The following COA8 variants were observed in gnomAD, a reference collection of about 807,000 sequenced individuals.
COA8 encodes UPF0671 protein C14orf153.
In COA8, 20 loss-of-function variants were observed where a neutral mutation model predicts 22.0. The ratio of observed to expected loss-of-function variants is 0.91; its 90% CI spans 0.64 to 1.32. COA8 has a LOEUF of 1.32. Among genes scored for constraint, COA8 ranks in the 40% most tolerant of loss-of-function variants. The pLI, the probability that COA8 is intolerant of heterozygous loss-of-function variation, is 0.00. For missense variants in COA8, 266 were observed against 230.0 expected, an observed-to-expected ratio of 1.16 and a Z score of -1.01; for synonymous variants, 105 against 79.9, an observed-to-expected ratio of 1.31 and a Z score of -1.68.
In COA8 at chr14:103,581,640, G is replaced by T. The variant is rs982793634; in HGVS notation, c.386-5634G>T. The T allele has an allele frequency of 2.5e-6, 1 of 398,560 alleles. No individual in the cohort carries two copies. Among genetic ancestry groups the T allele is most frequent in the South Asian group, 1.3e-4 (1 of 7,866 alleles). The allele number at this position is 398,560 out of a possible 1,614,324, so 24.7% of individuals were successfully genotyped here. ...GGATGGAGGGGACAGCTGTGCTGCC[G>T]CCATCTCCCTTACACAGTTGAGTAA... is the stretch of plus-strand genomic sequence containing the variant. On this transcript the variant is annotated intron_variant, in intron 3 of 4. Transcript: ENST00000409074. This position sits in a 1 kb window ranked among gnomAD's most constrained non-coding sequence, Gnocchi z 4.1.
chr14:103,585,098 A>G (rs1239919455), intron 3 of COA8, among the ~76,000 whole-genome samples: 1 of 152,006 alleles, frequency 6.6e-6, no homozygotes, highest in Non-Finnish European at 1.5e-5. Flanking sequence ...AGATTGCGCC[A>G]CTGCACTCCA....
chr14:103,570,361 C>A (rs1195835321), intron 1 of COA8, among the ~76,000 whole-genome samples: 3 of 152,162 alleles, frequency 2.0e-5, no homozygotes, highest in Admixed American at 1.3e-4. Context: ...AGGGTCCCCC[C>A]ACTATAACTC....
intron 3 of COA8, among the ~76,000 whole-genome samples, chr14:103,576,036 G>A (rs555919461): frequency 1.0e-3 from 153 of 152,022 alleles, no homozygotes; most frequent in African/African-American, 3.3e-3. Context: ...GGCCGGGCGC[G>A]GTGGTTCACG....
rs200407081 is a variant in COA8, at chr14:103,563,105, G to A, written c.104G>A (p.Arg35Lys). 666 of 1,540,070 alleles carry A rather than the reference G, an allele frequency of 4.3e-4. 11 individuals carry two copies. In the East Asian group the frequency reaches 0.012, roughly 28 times the overall value. ...QLAPERGAER[R>K]DTAPSGVSRF... ...GCTCCGGAGCGCGGCGCCGAGCGCA[G>A]GGATACGGCGCCCAGCGGGGTAAGC... The change falls in exon 1 of 5, where the codon AGG (arginine) becomes AAG (lysine). Residue 35 changes from arginine to lysine, a missense_variant. Arg to Lys is a conservative substitution (Grantham distance 26, BLOSUM62 2). Transcript: ENST00000409074.
At position 103,590,869 on chromosome 14, in the gene COA8, ATAAT is replaced by A. The variant is rs1355981140; in HGVS notation, c.*588_*591del. 1.3e-5 allele frequency: 2 copies of A among 152,146 alleles called. No homozygotes were observed. Among genetic ancestry groups the A allele is most frequent in the African/African-American group, 4.8e-5 (2 of 41,438 alleles). 9.4% of individuals were successfully genotyped at this position (152,146 alleles called of 1,614,324 possible). On this transcript the variant is annotated 3_prime_UTR_variant, in exon 5 of 5. Transcript: ENST00000409074. The stretch of plus-strand genomic sequence containing the variant: ...CGAGACTCTGTATCAAAAAATAATA[ATAAT>A]TAATAAAGTTTTACTGGAAAAAAGA...
chr14:103,572,016 A>G (rs1042018641), intron 2 of COA8, among the ~76,000 whole-genome samples, 196 bp downstream of exon 2: 4 of 151,798 alleles, frequency 2.6e-5, no homozygotes, highest in Admixed American at 1.3e-4. Context: ...AGTTCCAGCT[A>G]CTCGGGAGGC....
At chr14:103,567,076 T>A (rs2076140585) in intron 1 of COA8, among the ~76,000 whole-genome samples, 1 of 152,130 alleles carries the variant, frequency 6.6e-6, no homozygotes, top group Non-Finnish European at 1.5e-5. Context: ...CCTGGCTGAT[T>A]TTTAAAATTT....
At chr14:103,569,367 A>C (rs2076163211) in intron 1 of COA8, among the ~76,000 whole-genome samples, 2 of 152,258 alleles carry the variant, frequency 1.3e-5, no homozygotes, top group Non-Finnish European at 2.9e-5. Context: ...AATGATTTGA[A>C]AATATCGGTA....
chr14:103,588,154 G>T, intron 4 of COA8: 1 of 341,626 alleles, frequency 2.9e-6, no homozygotes, highest in Non-Finnish European at 5.3e-6. Flanking sequence ...GTTTTAGCTG[G>T]TTACAGATAA....
chr14:103,579,806 C>G (rs984723379), intron 3 of COA8, among the ~76,000 whole-genome samples: 1 of 150,940 alleles, frequency 6.6e-6, no homozygotes, highest in Non-Finnish European at 1.5e-5. Context: ...ATACTAAAGA[C>G]ACAAAACTTA....
At chr14:103,563,515 C>G in intron 1 of COA8, 1 of 358,866 alleles carries the variant, frequency 2.8e-6, no homozygotes, top group Non-Finnish European at 5.4e-6. Context: ...TGCTTTTCTT[C>G]AAGCGGCGAG....
chr14:103,578,262 T>C (rs781357867), intron 3 of COA8, among the ~76,000 whole-genome samples: 26 of 152,148 alleles, frequency 1.7e-4, no homozygotes, highest in Non-Finnish European at 3.4e-4. Flanking sequence ...CAATCTTTCA[T>C]TGCAGAAGAA....
intron 4 of COA8, among the ~76,000 whole-genome samples, chr14:103,589,381 T>C (rs2151189321): frequency 6.6e-6 from 1 of 152,238 alleles, no homozygotes; most frequent in Non-Finnish European, 1.5e-5. Flanking sequence ...CTTTCTGTCC[T>C]GCCATGCAGA....
At chr14:103,578,649 C>T (rs749850101) in intron 3 of COA8, among the ~76,000 whole-genome samples, 3 of 152,138 alleles carry the variant, frequency 2.0e-5, no homozygotes, top group Admixed American at 6.6e-5. Flanking sequence ...GCGGTAGGTT[C>T]GGTATTAAGC....
intron 3 of COA8, among the ~76,000 whole-genome samples, chr14:103,586,310 T>G (rs995343339): frequency 2.0e-5 from 3 of 147,878 alleles, no homozygotes; most frequent in Non-Finnish European, 3.0e-5. Context: ...TGGGCTCAGG[T>G]GACCCTCCTT....
intron 1 of COA8, among the ~76,000 whole-genome samples, chr14:103,569,801 A>T (rs1031438039): frequency 6.6e-6 from 1 of 152,200 alleles, no homozygotes; most frequent in Non-Finnish European, 1.5e-5. Flanking sequence ...TTAATGTATG[A>T]TAAGGAAAAA....
intron 3 of COA8, among the ~76,000 whole-genome samples, chr14:103,582,983 A>G (rs1566984564): frequency 6.6e-6 from 1 of 152,104 alleles, no homozygotes; most frequent in Non-Finnish European, 1.5e-5. Flanking sequence ...TTCCAGATAA[A>G]TGGAATCATA....
intron 3 of COA8, among the ~76,000 whole-genome samples, chr14:103,586,200 CTTTTTTTTTT>C: frequency 1.1e-5 from 1 of 92,688 alleles, no homozygotes; most frequent in African/African-American, 4.0e-5. Flanking sequence ...TGCACCTGGC[CTTTTTTTTTT>C]TTTTTTTTTT....
chr14:103,585,577 C>CCTT (rs751142627), intron 3 of COA8, among the ~76,000 whole-genome samples: 2 of 128,568 alleles, frequency 1.6e-5, no homozygotes, highest in Non-Finnish European at 3.2e-5. Flanking sequence ...GGTTTTTTCT[C>CCTT]TTTTTTTTTT....
Sources: gnomAD v4.1 joint callset for allele counts (sites outside exome capture counted in the v4.1 genomes callset) on GRCh38, gnomAD v4.1.1 for gene constraint, Gnocchi (gnomAD v3.1) non-coding constraint, MANE v1.5 for transcripts, NCBI Gene and HGNC (gene_info 2026-07-23, HGNC 2026-07-21) for gene names.